The following FHIP1A variants were observed in gnomAD, a reference collection of about 807,000 sequenced individuals.
FHIP1A encodes FHF complex subunit HOOK-interacting protein 1A.
A neutral mutation model predicts 88.6 loss-of-function variants in FHIP1A; 61 were observed. That is an observed-to-expected ratio of 0.69 (90% confidence interval 0.56 to 0.85). The LOEUF (loss-of-function observed/expected upper bound fraction) is 0.85, where lower values mean the gene tolerates loss of function less well. FHIP1A is among the 40% of genes least tolerant of loss of function. The pLI is 0.00. For missense variants in FHIP1A, 1,154 were observed against 1,273.5 expected (o/e 0.91, Z 1.43); for synonymous variants, 478 against 496.0 (o/e 0.96, Z 0.48).
intron 2 of FHIP1A, among the ~76,000 whole-genome samples, chr4:151,480,821 C>T (rs1729869409): frequency 6.6e-6 from 1 of 151,984 alleles, no homozygotes; most frequent in South Asian, 2.1e-4. Context: ...TTAGGTCACA[C>T]TGTGTCCCCC....
chr4:151,465,150 G>A (rs1021321824), intron 2 of FHIP1A, among the ~76,000 whole-genome samples: 1 of 152,106 alleles, frequency 6.6e-6, no homozygotes, highest in African/African-American at 2.4e-5. Flanking sequence ...AGCTGTGATC[G>A]CACCATTGCA....
At position 151,656,664 on chromosome 4, in the gene FHIP1A, G is replaced by T; in HGVS notation, c.2731-96G>T. 1.5e-6 allele frequency: 2 copies of T among 1,322,130 alleles called. No individual in the cohort carries two copies. The highest frequency in any genetic ancestry group is 2.5e-5 in the East Asian group (1 of 39,608). The allele number at this position is 1,322,130 out of a possible 1,614,324, so 81.9% of individuals were successfully genotyped here. On this transcript the variant is annotated intron_variant, in intron 12 of 13. Transcript: ENST00000435205. This position sits in a 1 kb window ranked among gnomAD's most constrained non-coding sequence, Gnocchi z 4.2. ...TGAACAAATGTCTAACATCATAATA[G>T]TTCCCATAATGAGGGTGCTACCTGC... is the stretch of plus-strand genomic sequence containing the variant.
At chr4:151,475,562 G>A (rs921266508) in intron 2 of FHIP1A, among the ~76,000 whole-genome samples, 2 of 152,128 alleles carry the variant, frequency 1.3e-5, no homozygotes, top group Admixed American at 6.5e-5. Context: ...GCACATTCCT[G>A]AGGTGAGAAC....
chr4:151,549,937 T>C lies in FHIP1A; in HGVS notation c.-122-16201T>C, dbSNP rs551166815. ...AAAGGGGAAAATTTCTCCTTCCTTC[T>C]CTTTTCTCCCTTACTTTCTACCTTT... On this transcript the variant is annotated intron_variant, in intron 3 of 13. Transcript: ENST00000435205. Among the ~76,000 whole-genome samples, 6 of 152,286 alleles carry C rather than the reference T, an allele frequency of 3.9e-5. No homozygotes were observed. In the South Asian group the frequency reaches 1.0e-3, roughly 26 times the overall value.
chr4:151,619,166 C>T (rs1042412659), intron 7 of FHIP1A, among the ~76,000 whole-genome samples: 4 of 152,126 alleles, frequency 2.6e-5, no homozygotes, highest in African/African-American at 9.7e-5. Context: ...GTAGACTTCT[C>T]AAGACATCCA....
At chr4:151,586,507 C>T in intron 5 of FHIP1A, 134 bp from the exon 6 acceptor site, 3 of 630,342 alleles carry the variant, frequency 4.8e-6, no homozygotes, top group Non-Finnish European at 7.8e-6. Context: ...GGCTGACGGG[C>T]TCTTATACCT....
chr4:151,442,252 A>G (rs1249753559), intron 1 of FHIP1A, among the ~76,000 whole-genome samples: 1 of 152,108 alleles, frequency 6.6e-6, no homozygotes, highest in Non-Finnish European at 1.5e-5. Context: ...TCTCTTGGTT[A>G]CTGTGCAGTT....
At chr4:151,524,908 C>G (rs140516520) in intron 3 of FHIP1A, among the ~76,000 whole-genome samples, 1 of 152,256 alleles carries the variant, frequency 6.6e-6, no homozygotes, top group African/African-American at 2.4e-5. Context: ...AACTAAGATA[C>G]TATAATAAAT....
At chr4:151,420,737 T>C (rs2126520342) in intron 1 of FHIP1A, among the ~76,000 whole-genome samples, 1 of 152,340 alleles carries the variant, frequency 6.6e-6, no homozygotes, top group South Asian at 2.1e-4. Context: ...GTGTTGCTTT[T>C]CTTTTGCTTA....
intron 7 of FHIP1A, among the ~76,000 whole-genome samples, chr4:151,604,428 A>T (rs896146943): frequency 1.3e-5 from 2 of 152,030 alleles, no homozygotes; most frequent in African/African-American, 4.8e-5. Context: ...ACTAGGAGAT[A>T]TTTTCAGTTT....
intron 3 of FHIP1A, among the ~76,000 whole-genome samples, chr4:151,483,799 A>G (rs994032083): frequency 6.6e-6 from 1 of 152,130 alleles, no homozygotes; most frequent in Non-Finnish European, 1.5e-5. Context: ...TTTTAGAGAC[A>G]GTTTAAGATA....
chr4:151,520,490 T>C (rs1355872637), intron 3 of FHIP1A, among the ~76,000 whole-genome samples: 1 of 152,218 alleles, frequency 6.6e-6, no homozygotes, highest in Non-Finnish European at 1.5e-5. Flanking sequence ...GGAATCACTT[T>C]GCCATTGTTG....
chr4:151,658,133 T>C (rs1737318056), intron 13 of FHIP1A, among the ~76,000 whole-genome samples: 1 of 152,170 alleles, frequency 6.6e-6, no homozygotes, highest in Admixed American at 6.5e-5. Context: ...GAAGGTAGAC[T>C]TCGGGTGCCA....
intron 7 of FHIP1A, among the ~76,000 whole-genome samples, chr4:151,626,562 A>G (rs1410255331): frequency 1.3e-5 from 2 of 152,196 alleles, no homozygotes; most frequent in African/African-American, 4.8e-5. Flanking sequence ...TATTTCAGTC[A>G]TTGTGGCCCA....
chr4:151,624,518 C>G (rs1735869539), intron 7 of FHIP1A, among the ~76,000 whole-genome samples: 1 of 152,156 alleles, frequency 6.6e-6, no homozygotes, highest in South Asian at 2.1e-4. Context: ...CTTCCCTTTT[C>G]TCCCAGAAGG....
At chr4:151,594,582 C>CT (rs199696936) in intron 7 of FHIP1A, among the ~76,000 whole-genome samples, 44,893 of 145,256 alleles carry the variant, frequency 0.31, 6,870 homozygotes, top group Non-Finnish European at 0.34. Flanking sequence ...TCCCCTTTGT[C>CT]TTTTTTTTTT....
intron 1 of FHIP1A, among the ~76,000 whole-genome samples, chr4:151,446,053 G>A (rs1728589671): frequency 6.6e-6 from 1 of 151,684 alleles, no homozygotes; most frequent in Non-Finnish European, 1.5e-5. Context: ...GAGTATATGT[G>A]TGTTTAGTTT....
chr4:151,548,334 G>GAATAGGGGCTGGGT (rs1311385144), intron 3 of FHIP1A, among the ~76,000 whole-genome samples: 2 of 152,160 alleles, frequency 1.3e-5, no homozygotes, highest in Admixed American at 6.5e-5. Context: ...AGAGGCCTTT[G>GAATAGGGGCTGGGT]AACCAGAGTG....
chr4:151,631,210 T>A (rs1265028045), intron 8 of FHIP1A, among the ~76,000 whole-genome samples: 1 of 152,068 alleles, frequency 6.6e-6, no homozygotes, highest in Non-Finnish European at 1.5e-5. Flanking sequence ...AAAAAGTTGG[T>A]TCTTTGACAA....
Sources: gnomAD v4.1 joint callset for allele counts (sites outside exome capture counted in the v4.1 genomes callset) on GRCh38, gnomAD v4.1.1 for gene constraint, Gnocchi (gnomAD v3.1) non-coding constraint, MANE v1.5 for transcripts, NCBI Gene and HGNC (gene_info 2026-07-23, HGNC 2026-07-21) for gene names.